NRG3: variants seen among roughly 807,000 people sequenced by gnomAD.
NRG3 encodes the protein pro-neuregulin-3, membrane-bound isoform.
A neutral mutation model predicts 66.9 loss-of-function variants in NRG3; 31 were observed. The ratio of observed to expected loss-of-function variants is 0.46; its 90% CI spans 0.35 to 0.63. NRG3 has a LOEUF of 0.63. NRG3 is among the 20% of genes least tolerant of loss of function. The pLI is 0.00. For synonymous variants in NRG3, 393 were observed against 359.4 expected, an observed-to-expected ratio of 1.09 and a Z score of -1.06; for missense variants, 910 against 878.9, an observed-to-expected ratio of 1.04 and a Z score of -0.45.
chr10:82,879,467 CTTTT>C (rs201614818), intron 4 of NRG3, among the ~76,000 whole-genome samples: 1 of 121,846 alleles, frequency 8.2e-6, no homozygotes, highest in Non-Finnish European at 1.7e-5. Flanking sequence ...CTAATGAAGA[CTTTT>C]TTTTTTTTTT....
At chr10:82,244,688 G>C (rs546946251) in intron 1 of NRG3, among the ~76,000 whole-genome samples, 1 of 152,120 alleles carries the variant, frequency 6.6e-6, no homozygotes, top group South Asian at 2.1e-4. Flanking sequence ...AGGGGGTACT[G>C]AGAGCGGGGG....
At chr10:81,907,549 T>G (rs1844715002) in intron 1 of NRG3, among the ~76,000 whole-genome samples, 1 of 152,272 alleles carries the variant, frequency 6.6e-6, no homozygotes, top group Admixed American at 6.5e-5. Flanking sequence ...TTAATTACAT[T>G]ATGACACTGA....
intron 1 of NRG3, among the ~76,000 whole-genome samples, chr10:82,302,276 A>G (rs1458471719): frequency 6.6e-6 from 1 of 152,090 alleles, no homozygotes; most frequent in East Asian, 1.9e-4. Flanking sequence ...AAAAATCTAT[A>G]TCATACCCAC....
intron 1 of NRG3, among the ~76,000 whole-genome samples, chr10:81,878,570 A>G (rs1841893458): frequency 6.6e-6 from 1 of 152,190 alleles, no homozygotes; most frequent in Non-Finnish European, 1.5e-5. Flanking sequence ...TAGGATGAAA[A>G]AAGCCTGAAT....
chr10:82,748,997 G>A (rs2058752561), intron 3 of NRG3, among the ~76,000 whole-genome samples: 1 of 152,036 alleles, frequency 6.6e-6, no homozygotes, highest in Non-Finnish European at 1.5e-5. Context: ...CTTCCTTTGA[G>A]CATCATTATT....
chr10:82,487,846 C>T (rs1276316361), intron 2 of NRG3, among the ~76,000 whole-genome samples: 2 of 152,116 alleles, frequency 1.3e-5, no homozygotes, highest in African/African-American at 2.4e-5. Flanking sequence ...CCCAGAATGA[C>T]ATTTCAGTAT....
intron 1 of NRG3, among the ~76,000 whole-genome samples, chr10:82,126,020 C>T (rs574873191): frequency 4.6e-5 from 7 of 152,082 alleles, no homozygotes; most frequent in African/African-American, 1.4e-4. Context: ...ATTTTACAAA[C>T]AAGGACGCTT....
intron 1 of NRG3, among the ~76,000 whole-genome samples, chr10:82,029,353 T>G (rs1374462534): frequency 6.6e-6 from 1 of 152,146 alleles, no homozygotes; most frequent in Non-Finnish European, 1.5e-5. Flanking sequence ...TTTCCCAAAG[T>G]GAATGGGATT....
At chr10:82,959,575 G>T (rs1212253788) in intron 6 of NRG3, among the ~76,000 whole-genome samples, 1 of 152,172 alleles carries the variant, frequency 6.6e-6, no homozygotes, top group Non-Finnish European at 1.5e-5. Flanking sequence ...GTCGGACTCG[G>T]ACTGGGTTTG....
At chr10:82,178,176 C>T (rs1442027744) in intron 1 of NRG3, among the ~76,000 whole-genome samples, 2 of 152,070 alleles carry the variant, frequency 1.3e-5, no homozygotes, top group Non-Finnish European at 1.5e-5. Context: ...AAAACGCCCT[C>T]ACACATAAAA....
chr10:82,839,041 C>A (rs935605759), intron 3 of NRG3, among the ~76,000 whole-genome samples: 7 of 152,096 alleles, frequency 4.6e-5, no homozygotes, highest in Admixed American at 6.6e-5. Context: ...GAAAACCGCT[C>A]CCATTATATC....
intron 4 of NRG3, among the ~76,000 whole-genome samples, chr10:82,893,474 G>A (rs1843360249): frequency 6.6e-6 from 1 of 152,196 alleles, no homozygotes; most frequent in African/African-American, 2.4e-5. Flanking sequence ...CAGATCACGA[G>A]GTCAGGAGAT....
chr10:82,667,833 G>T (rs115635750), intron 2 of NRG3, among the ~76,000 whole-genome samples: 3,391 of 152,268 alleles, frequency 0.022, 118 homozygotes, highest in African/African-American at 0.075. Context: ...CCTTCTAGCA[G>T]TAACATCTCA....
At chr10:82,626,281 G>A (rs1276438761) in intron 2 of NRG3, among the ~76,000 whole-genome samples, 2 of 152,126 alleles carry the variant, frequency 1.3e-5, no homozygotes, top group Non-Finnish European at 2.9e-5. Flanking sequence ...GAGGTTATGA[G>A]AACAATGATG....
chr10:82,325,170 CTT>C (rs1184716212), intron 1 of NRG3, among the ~76,000 whole-genome samples: 3 of 151,670 alleles, frequency 2.0e-5, no homozygotes. Context: ...TATCATTACT[CTT>C]TTGTTTTCTT....
rs1328722295 is a variant in NRG3, at chr10:82,685,899, TA to T, written c.954-52677del. Among the ~76,000 whole-genome samples the T allele has an allele frequency of 5.3e-5, 8 of 152,312 alleles. No individual in the cohort carries two copies. The East Asian group carries it at 1.2e-3, about 22-fold the overall frequency. On this transcript the variant is annotated intron_variant, in intron 2 of 8. Transcript: ENST00000372141. ...GATCACCAATATCGTCATCCTCTAC[TA>T]CATCTTGTTCCACTAGAGGGTCTTC... is the stretch of plus-strand genomic sequence containing the variant.
At chr10:82,961,617 CTGGGAGAAGAATGCTACAGGCATCTAG>C (rs1850647948) in intron 6 of NRG3, among the ~76,000 whole-genome samples, 1 of 152,184 alleles carries the variant, frequency 6.6e-6, no homozygotes, top group Admixed American at 6.5e-5. Flanking sequence ...CTATTGCATG[CTGGGAGAAGAATGCTACAGGCATCTAG>C]TGGGTAGCGG....
chr10:82,614,787 A>G (rs1285475329), intron 2 of NRG3, among the ~76,000 whole-genome samples: 2 of 152,080 alleles, frequency 1.3e-5, no homozygotes, highest in African/African-American at 4.8e-5. Flanking sequence ...TCAAATTTCA[A>G]TCTTCATCCA....
At chr10:81,989,088 A>G (rs952102678) in intron 1 of NRG3, among the ~76,000 whole-genome samples, 1 of 152,156 alleles carries the variant, frequency 6.6e-6, no homozygotes, top group Non-Finnish European at 1.5e-5. Context: ...GGACATCTGA[A>G]TATATTAGAT....
Sources: gnomAD v4.1 joint callset for allele counts (sites outside exome capture counted in the v4.1 genomes callset) on GRCh38, gnomAD v4.1.1 for gene constraint, MANE v1.5 for transcripts, NCBI Gene and HGNC (gene_info 2026-07-23, HGNC 2026-07-21) for gene names.